The following DENND1B variants were observed in gnomAD, a reference collection of about 807,000 sequenced individuals.
DENND1B encodes the protein DENN domain-containing protein 1B.
Under a neutral mutation model 90.1 loss-of-function variants are expected in DENND1B, and 59 were observed. The observed-to-expected ratio is 0.65, with a 90% CI of 0.53 to 0.81. The LOEUF is 0.81. Ranked by LOEUF, DENND1B falls within the 40% of genes least tolerant of loss-of-function variation. The pLI, the probability that DENND1B is intolerant of heterozygous loss-of-function variation, is 0.00. For synonymous variants in DENND1B, 337 were observed against 324.6 expected (o/e 1.04, Z -0.41); for missense variants, 862 against 912.6 (o/e 0.94, Z 0.71).
At chr1:197,718,154 A>G (rs1314874556) in intron 2 of DENND1B, among the ~76,000 whole-genome samples, 2 of 151,998 alleles carry the variant, frequency 1.3e-5, no homozygotes, top group South Asian at 2.1e-4. Flanking sequence ...TATGTTTTAA[A>G]TAATTTCCAA....
intron 22 of DENND1B, 64 bp downstream of exon 22, chr1:197,511,663 CA>C: frequency 1.5e-6 from 2 of 1,312,268 alleles, no homozygotes. Flanking sequence ...GTATAAGATC[CA>C]GTAATCACAG....
At chr1:197,611,044 T>C (rs554420414) in intron 12 of DENND1B, among the ~76,000 whole-genome samples, 2 of 150,832 alleles carry the variant, frequency 1.3e-5, no homozygotes, top group African/African-American at 4.8e-5. Context: ...AACAGACTCA[T>C]CTTTGATCAA....
chr1:197,611,742 G>C (rs924084630), intron 12 of DENND1B, among the ~76,000 whole-genome samples, 189 bp downstream of exon 12: 1 of 150,566 alleles, frequency 6.6e-6, no homozygotes, highest in African/African-American at 2.4e-5. Context: ...CATAAAAAAT[G>C]GTCATTTAGT....
intron 2 of DENND1B, among the ~76,000 whole-genome samples, chr1:197,738,248 A>G (rs969778384): frequency 3.3e-5 from 5 of 152,242 alleles, no homozygotes; most frequent in African/African-American, 1.2e-4. Flanking sequence ...CCAATGCTGA[A>G]TTTTGAATTT....
At chr1:197,531,021 C>A (rs1324786817) in intron 20 of DENND1B, among the ~76,000 whole-genome samples, 7 of 152,138 alleles carry the variant, frequency 4.6e-5, no homozygotes, top group African/African-American at 1.7e-4. Context: ...AATCAGTCTG[C>A]CTGCTTTTTA....
intron 2 of DENND1B, among the ~76,000 whole-genome samples, chr1:197,760,054 C>T (rs771151742): frequency 6.6e-5 from 10 of 151,980 alleles, no homozygotes; most frequent in Non-Finnish European, 1.2e-4. Context: ...GTAAATTATA[C>T]GTTTTTGAAG....
At chr1:197,576,444 A>G (rs1294166351) in intron 15 of DENND1B, among the ~76,000 whole-genome samples, 1 of 152,152 alleles carries the variant, frequency 6.6e-6, no homozygotes, top group Non-Finnish European at 1.5e-5. Flanking sequence ...CATTAGTGAC[A>G]CTCAATGGTG....
chr1:197,666,054 A>T (rs575111920), intron 5 of DENND1B, among the ~76,000 whole-genome samples: 76 of 152,306 alleles, frequency 5.0e-4, no homozygotes, highest in African/African-American at 1.6e-3. Flanking sequence ...GTATTAACAT[A>T]TTTTAACATC....
At chr1:197,673,135 T>A (rs1655691086) in intron 4 of DENND1B, among the ~76,000 whole-genome samples, 1 of 152,030 alleles carries the variant, frequency 6.6e-6, no homozygotes, top group African/African-American at 2.4e-5. Flanking sequence ...GATAGGTTTT[T>A]CTTACACTTT....
intron 10 of DENND1B, among the ~76,000 whole-genome samples, chr1:197,628,346 G>A (rs1262842149): frequency 6.6e-6 from 1 of 152,066 alleles, no homozygotes; most frequent in Admixed American, 6.6e-5. Flanking sequence ...CAACGGAACA[G>A]AACAGAGCCC....
chr1:197,571,402 C>A (rs1673141151), intron 15 of DENND1B, among the ~76,000 whole-genome samples: 1 of 152,182 alleles, frequency 6.6e-6, no homozygotes, highest in African/African-American at 2.4e-5. Flanking sequence ...TTATTCGGAT[C>A]TTAGAAAATG....
intron 20 of DENND1B, among the ~76,000 whole-genome samples, chr1:197,521,532 G>T (rs1176382775): frequency 6.6e-6 from 1 of 151,780 alleles, no homozygotes; most frequent in East Asian, 1.9e-4. Flanking sequence ...TTTTACAGTT[G>T]AGGCAACTGA....
intron 2 of DENND1B, among the ~76,000 whole-genome samples, chr1:197,728,602 T>A (rs1374570296): frequency 6.6e-6 from 1 of 152,180 alleles, no homozygotes; most frequent in Non-Finnish European, 1.5e-5. Flanking sequence ...CCATGTTAGT[T>A]ATTTCTTCGA....
At chr1:197,664,352 T>C (rs991666798) in intron 5 of DENND1B, among the ~76,000 whole-genome samples, 4 of 152,102 alleles carry the variant, frequency 2.6e-5, no homozygotes, top group African/African-American at 9.7e-5. Flanking sequence ...AGAATAACTG[T>C]GACTCTCGCA....
At chr1:197,686,847 T>C (rs1159579912) in intron 3 of DENND1B, among the ~76,000 whole-genome samples, 2 of 152,126 alleles carry the variant, frequency 1.3e-5, no homozygotes, top group African/African-American at 4.8e-5. Context: ...ATGGGGAATC[T>C]ACTCTCACTG....
intron 10 of DENND1B, among the ~76,000 whole-genome samples, chr1:197,626,142 G>C (rs1391743320): frequency 6.6e-6 from 1 of 151,962 alleles, no homozygotes; most frequent in Non-Finnish European, 1.5e-5. Flanking sequence ...GGATACCCAG[G>C]AATTGAACTC....
At chr1:197,750,858 C>T (rs1473644671) in intron 2 of DENND1B, among the ~76,000 whole-genome samples, 1 of 152,044 alleles carries the variant, frequency 6.6e-6, no homozygotes, top group African/African-American at 2.4e-5. Flanking sequence ...AGAGAAATTT[C>T]ATATGTTAAA....
chr1:197,558,005 A>G (rs1671852693), intron 15 of DENND1B, among the ~76,000 whole-genome samples: 1 of 151,920 alleles, frequency 6.6e-6, no homozygotes, highest in African/African-American at 2.4e-5. Context: ...ACATATCTAC[A>G]GGTAATTGGA....
chr1:197,635,980 A>G (rs1006079959), intron 10 of DENND1B, among the ~76,000 whole-genome samples: 6 of 152,112 alleles, frequency 3.9e-5, no homozygotes, highest in African/African-American at 1.2e-4. Context: ...AGATTAAAAA[A>G]AAAAAAGAAA....
Sources: gnomAD v4.1 joint callset for allele counts (sites outside exome capture counted in the v4.1 genomes callset) on GRCh38, gnomAD v4.1.1 for gene constraint, MANE v1.5 for transcripts, NCBI Gene and HGNC (gene_info 2026-07-23, HGNC 2026-07-21) for gene names.